Variants in ANKRD17 observed in about 807,000 individuals in gnomAD.
ANKRD17 encodes the protein ankyrin repeat domain-containing protein 17.
ANKRD17 carries 19 observed loss-of-function variants against 229.7 expected under a neutral mutation model. That is an observed-to-expected ratio of 0.08 (90% CI 0.06 to 0.12). ANKRD17 has a LOEUF of 0.12. Among genes scored for constraint, ANKRD17 ranks in the 10% least tolerant of loss-of-function variants. ANKRD17 has a pLI of 1.00. For synonymous variants in ANKRD17, 1,112 were observed against 1,146.1 expected (o/e 0.97, Z 0.60); for missense variants, 2,176 against 3,176.8 (o/e 0.68, Z 7.57).
In ANKRD17 at chr4:73,141,858, A is replaced by G. The variant is rs758925147; in HGVS notation, c.2230-15T>C. ...ACACGAGGAGCCTAAGACAAAGGACACTAAGTGACTATTAGTGTCCTACAC... is the reference window on the plus strand; with the variant it reads ...ACACGAGGAGCCTAAGACAAAGGACGCTAAGTGACTATTAGTGTCCTACAC... On this transcript the variant is annotated splice_polypyrimidine_tract_variant and intron_variant, in intron 13 of 33. Transcript: ENST00000358602. The G allele has an allele frequency of 6.3e-7, 1 of 1,597,752 alleles. No homozygotes were observed. Among genetic ancestry groups the G allele is most frequent in the Admixed American group, 1.7e-5 (1 of 59,640 alleles).
intron 25 of ANKRD17, 92 bp from the exon 26 acceptor site, chr4:73,098,612 AG>A: frequency 8.4e-7 from 1 of 1,184,950 alleles, no homozygotes; most frequent in Non-Finnish European, 1.2e-6. Flanking sequence ...AACCCAGGAG[AG>A]ATACTCTACT....
At chr4:73,097,075 GAT>G in intron 27 of ANKRD17, 40 bp downstream of exon 27, 1 of 1,580,002 alleles carries the variant, frequency 6.3e-7, no homozygotes, top group South Asian at 1.2e-5. Context: ...ACTTGACTGT[GAT>G]ATATAGCACA....
intron 16 of ANKRD17, among the ~76,000 whole-genome samples, chr4:73,133,836 A>G (rs1034450988): frequency 2.0e-5 from 3 of 152,178 alleles, no homozygotes; most frequent in Non-Finnish European, 4.4e-5. Context: ...AGAACCCATT[A>G]CAAAAGAAAA....
In ANKRD17 at chr4:73,098,490, C is replaced by T. The variant is rs1246159339; in HGVS notation, c.4604G>A (p.Ser1535Asn). 6.2e-7 allele frequency: 1 copy of T among 1,613,344 alleles called. No individual in the cohort carries two copies. The highest frequency in any genetic ancestry group is 1.7e-5 in the Admixed American group (1 of 59,832). Residue 1535 changes from serine (S) to asparagine (N), a missense_variant, in exon 26 of 34, where the codon AGT becomes AAT. This residue lies in a region of ANKRD17 where 105 missense variants were observed against 118.3 expected (regional missense o/e 0.89). Transcript: ENST00000358602. ...ACCTATGGTAGTAGTGGTTGTGGCA[C>T]TTGGAGGTTCTGTCAAGACTTCAGG... ...DEPEVLTEPP[S>N]ATTTTTIGIS...
chr4:73,075,898 A>C lies in ANKRD17; in HGVS notation c.*333T>G. The C allele has an allele frequency of 4.9e-6, 1 of 202,580 alleles. No individual in the cohort carries two copies. 12.5% of individuals were successfully genotyped at this position (202,580 alleles called of 1,614,324 possible). Reference sequence around the variant, plus strand: ...GGATCAAGTTTACATAATTTTGCTAAATTTCCGTGTTTGCTCAGAAGCAGT... The same window carrying C: ...GGATCAAGTTTACATAATTTTGCTACATTTCCGTGTTTGCTCAGAAGCAGT... On this transcript the variant is annotated 3_prime_UTR_variant, in exon 34 of 34. Transcript: ENST00000358602.
At chr4:73,226,399 T>TTTG (rs968697698) in intron 1 of ANKRD17, among the ~76,000 whole-genome samples, 6 of 138,910 alleles carry the variant, frequency 4.3e-5, no homozygotes, top group African/African-American at 1.6e-4. Flanking sequence ...GTTTTTTTTT[T>TTTG]TTTTTTTTTT....
chr4:73,253,880 A>C (rs1018468759), intron 1 of ANKRD17, among the ~76,000 whole-genome samples: 1 of 152,204 alleles, frequency 6.6e-6, no homozygotes, highest in African/African-American at 2.4e-5. Flanking sequence ...GAAGGGAAGA[A>C]TTTCCATTCC....
At chr4:73,255,989 G>A (rs1745420514) in intron 1 of ANKRD17, among the ~76,000 whole-genome samples, 1 of 152,232 alleles carries the variant, frequency 6.6e-6, no homozygotes, top group Non-Finnish European at 1.5e-5. Flanking sequence ...GTCTCCCAAA[G>A]TGCTGGGATT....
intron 23 of ANKRD17, 70 bp from the exon 24 acceptor site, chr4:73,113,978 C>G (rs112066490): frequency 1.8e-6 from 2 of 1,120,904 alleles, no homozygotes; most frequent in Non-Finnish European, 2.6e-6. Context: ...CCTAAAAACA[C>G]GAAGATCTTT....
chr4:73,181,639 C>A (rs529368594), intron 1 of ANKRD17, among the ~76,000 whole-genome samples: 3 of 152,086 alleles, frequency 2.0e-5, no homozygotes, highest in Admixed American at 6.5e-5. Flanking sequence ...ATGAATTTTC[C>A]CTCTGAAACC....
intron 1 of ANKRD17, among the ~76,000 whole-genome samples, chr4:73,189,974 A>G (rs1379048990): frequency 6.6e-6 from 1 of 152,216 alleles, no homozygotes; most frequent in Non-Finnish European, 1.5e-5. Context: ...ATTACAGGTA[A>G]AAAAGAATAT....
At chr4:73,211,560 T>C (rs543348120) in intron 1 of ANKRD17, among the ~76,000 whole-genome samples, 38 of 152,246 alleles carry the variant, frequency 2.5e-4, no homozygotes, top group African/African-American at 9.1e-4. Context: ...AGAAATCTAA[T>C]TGTCGGCCAG....
chr4:73,099,117 G>A, intron 25 of ANKRD17: 1 of 744,884 alleles, frequency 1.3e-6, no homozygotes, highest in South Asian at 1.4e-5. Flanking sequence ...GAGGGCATCT[G>A]GCAGGAGTCC....
chr4:73,134,107 A>G (rs1195662887), intron 16 of ANKRD17, among the ~76,000 whole-genome samples: 1 of 151,788 alleles, frequency 6.6e-6, no homozygotes, highest in African/African-American at 2.4e-5. Flanking sequence ...TTGGCCAACA[A>G]GTAAGAGCAG....
intron 1 of ANKRD17, chr4:73,222,935 A>G: frequency 6.9e-7 from 1 of 1,440,682 alleles, no homozygotes; most frequent in Non-Finnish European, 9.4e-7. Flanking sequence ...TTCTTTGTTC[A>G]GATTTCAACT....
chr4:73,085,434 A>G lies in ANKRD17; in HGVS notation c.6974T>C (p.Met2325Thr), dbSNP rs534030909. ...PAPSPSGIVNMDSPYGSVTPS... is the reference protein window; with the variant it reads ...PAPSPSGIVNTDSPYGSVTPS... ...TGTTACAGAACCATATGGCGAGTCC[A>G]TATTGACAATACCTATAATGTAGAA... Residue 2325 changes from methionine to threonine, a missense_variant, in exon 30 of 34, where the codon ATG becomes ACG. Physicochemically the swap from Met to Thr is moderately conservative, Grantham distance 81 (BLOSUM62 -1). This residue lies in a region of ANKRD17 where 424 missense variants were observed against 454.0 expected (regional missense o/e 0.93). Transcript: ENST00000358602. 26 of 1,613,528 alleles carry G rather than the reference A, an allele frequency of 1.6e-5. No individual in the cohort carries two copies. The East Asian group carries it at 5.6e-4, about 35-fold the overall frequency.
chr4:73,160,465 C>T lies in ANKRD17; in HGVS notation c.704+727G>A, dbSNP rs535020891. Among the ~76,000 whole-genome samples the T allele has an allele frequency of 4.6e-5, 7 of 152,140 alleles. No individual in the cohort carries two copies. The South Asian group carries it at 8.3e-4, about 18-fold the overall frequency. ...AACTCCTGACCTCAGGTGATCCGCC[C>T]GCCTCGGCCTCCAAAGTGCTGAGAT... On this transcript the variant is annotated intron_variant, in intron 3 of 33. Transcript: ENST00000358602.
intron 1 of ANKRD17, among the ~76,000 whole-genome samples, chr4:73,252,263 G>A (rs1745095173): frequency 6.6e-6 from 1 of 152,194 alleles, no homozygotes; most frequent in Non-Finnish European, 1.5e-5. Context: ...AATGTAAACT[G>A]CTTCATTAAT....
At chr4:73,248,673 A>C (rs1326775720) in intron 1 of ANKRD17, among the ~76,000 whole-genome samples, 2 of 152,068 alleles carry the variant, frequency 1.3e-5, no homozygotes, top group African/African-American at 4.8e-5. Flanking sequence ...CATTGTGCTA[A>C]GTTTCAATGT....
Sources: allele counts gnomAD v4.1 joint callset (sites outside exome capture counted in the v4.1 genomes callset), GRCh38; gene constraint gnomAD v4.1.1; regional missense constraint gnomAD v4.1.1; transcripts MANE v1.5; gene names NCBI Gene and HGNC (gene_info 2026-07-23, HGNC 2026-07-21).